ELMO1: variants seen among roughly 807,000 people sequenced by gnomAD.
The protein encoded by ELMO1 is engulfment and cell motility 1.
ELMO1 carries 26 observed loss-of-function variants against 98.9 expected under a neutral mutation model. The observed-to-expected ratio is 0.26, with a 90% CI of 0.19 to 0.36. The LOEUF is 0.36. ELMO1 is among the 10% of genes least tolerant of loss of function. The probability of loss-of-function intolerance (pLI) is 1.00; values close to 1 mark genes in which losing one functional copy is unlikely to be tolerated. For synonymous variants in ELMO1, 346 were observed against 346.0 expected, an observed-to-expected ratio of 1.00 and a Z score of 0.00; for missense variants, 627 against 935.2, an observed-to-expected ratio of 0.67 and a Z score of 4.30.
chr7:37,121,754 C>T (rs1458317563), intron 14 of ELMO1, among the ~76,000 whole-genome samples: 1 of 152,138 alleles, frequency 6.6e-6, no homozygotes, highest in African/African-American at 2.4e-5. Context: ...GGCCAACATT[C>T]AAATTCAGGA....
At chr7:37,129,162 G>C (rs1786731867) in intron 14 of ELMO1, among the ~76,000 whole-genome samples, 1 of 152,088 alleles carries the variant, frequency 6.6e-6, no homozygotes, top group Non-Finnish European at 1.5e-5. Context: ...GGTGGTGGGG[G>C]GATGGAAAGA....
chr7:37,363,237 A>G (rs112973642), intron 1 of ELMO1, among the ~76,000 whole-genome samples: 8 of 151,380 alleles, frequency 5.3e-5, no homozygotes, highest in African/African-American at 1.7e-4. Context: ...CACCAATCCA[A>G]CTCAACCCTC....
chr7:37,397,303 A>G (rs1803337551), intron 1 of ELMO1, among the ~76,000 whole-genome samples: 1 of 152,242 alleles, frequency 6.6e-6, no homozygotes, highest in South Asian at 2.1e-4. Context: ...CACTTAAAAT[A>G]TCTCATGCTC....
At chr7:37,012,494 T>G (rs919500138) in intron 16 of ELMO1, among the ~76,000 whole-genome samples, 3 of 152,222 alleles carry the variant, frequency 2.0e-5, no homozygotes, top group African/African-American at 7.2e-5. Flanking sequence ...CAGTCACAGC[T>G]GTATATAGCA....
At chr7:37,129,822 C>T (rs531869872) in intron 14 of ELMO1, among the ~76,000 whole-genome samples, 128 of 152,316 alleles carry the variant, frequency 8.4e-4, no homozygotes, top group Non-Finnish European at 1.1e-3. Flanking sequence ...TTCTTCACTG[C>T]CTTTAGGTCC....
intron 18 of ELMO1, among the ~76,000 whole-genome samples, 169 bp from the exon 19 acceptor site, chr7:36,878,286 T>C (rs1401353325): frequency 1.3e-5 from 2 of 152,194 alleles, no homozygotes; most frequent in African/African-American, 4.8e-5. Flanking sequence ...CTTTTGACTT[T>C]AATATTTAGT....
chr7:36,868,778 C>T (rs975656945), intron 20 of ELMO1, among the ~76,000 whole-genome samples: 1 of 152,118 alleles, frequency 6.6e-6, no homozygotes, highest in Non-Finnish European at 1.5e-5. Context: ...TGAATTCTGG[C>T]AGGTTGCTAT....
intron 18 of ELMO1, 134 bp downstream of exon 18, chr7:36,887,426 C>T (rs2072521): frequency 0.057 from 39,606 of 690,064 alleles, 2,210 homozygotes; most frequent in East Asian, 0.27. Flanking sequence ...CCAGAAACGA[C>T]CTGGACTGCT....
chr7:37,341,186 T>C (rs1800697126), intron 2 of ELMO1, among the ~76,000 whole-genome samples: 1 of 152,190 alleles, frequency 6.6e-6, no homozygotes, highest in Admixed American at 6.5e-5. Flanking sequence ...AGAAGGGCAA[T>C]GCAACAAGAC....
intron 1 of ELMO1, among the ~76,000 whole-genome samples, chr7:37,425,763 G>A (rs1804670846): frequency 6.6e-6 from 1 of 152,170 alleles, no homozygotes; most frequent in Non-Finnish European, 1.5e-5. Flanking sequence ...GGGAACCTGT[G>A]GCCGAGTTTG....
chr7:37,192,862 G>A (rs1791689204), intron 13 of ELMO1, among the ~76,000 whole-genome samples: 2 of 142,950 alleles, frequency 1.4e-5, no homozygotes, highest in Admixed American at 7.1e-5. Flanking sequence ...TTTATATATA[G>A]ATACATACAT....
intron 1 of ELMO1, among the ~76,000 whole-genome samples, chr7:37,381,394 G>C (rs1802574706): frequency 1.3e-5 from 2 of 152,142 alleles, no homozygotes; most frequent in Non-Finnish European, 2.9e-5. Flanking sequence ...TAAAGTTCCA[G>C]TACCAAAGGC....
intron 19 of ELMO1, among the ~76,000 whole-genome samples, chr7:36,872,912 A>G (rs1003012868): frequency 6.6e-6 from 1 of 152,214 alleles, no homozygotes; most frequent in Non-Finnish European, 1.5e-5. Flanking sequence ...CACAAGCTAC[A>G]ATTGGTAAGT....
intron 1 of ELMO1, among the ~76,000 whole-genome samples, chr7:37,389,838 T>C (rs1802990356): frequency 6.6e-6 from 1 of 152,060 alleles, no homozygotes; most frequent in South Asian, 2.1e-4. Flanking sequence ...TCTTACTAAT[T>C]CTCCAGCATG....
intron 13 of ELMO1, among the ~76,000 whole-genome samples, chr7:37,147,393 G>T (rs1178181276): frequency 6.6e-6 from 1 of 152,090 alleles, no homozygotes; most frequent in Non-Finnish European, 1.5e-5. Context: ...CTACCTCCTG[G>T]TCCCAGCCTT....
At chr7:37,308,566 T>A (rs1312248494) in intron 4 of ELMO1, among the ~76,000 whole-genome samples, 1 of 152,240 alleles carries the variant, frequency 6.6e-6, no homozygotes, top group African/African-American at 2.4e-5. Flanking sequence ...GTGGCACTCA[T>A]TGTCACTGTA....
At chr7:37,028,282 G>A (rs563493107) in intron 15 of ELMO1, among the ~76,000 whole-genome samples, 2 of 152,246 alleles carry the variant, frequency 1.3e-5, no homozygotes, top group African/African-American at 4.8e-5. Context: ...TTTTAAGGCA[G>A]AAAGTTAATA....
intron 16 of ELMO1, among the ~76,000 whole-genome samples, chr7:36,983,303 T>C (rs557671336): frequency 6.6e-6 from 1 of 152,340 alleles, no homozygotes; most frequent in South Asian, 2.1e-4. Flanking sequence ...GCTTTTTACT[T>C]AGCTCAAACT....
intron 16 of ELMO1, among the ~76,000 whole-genome samples, chr7:37,009,911 G>A (rs1322318726): frequency 6.6e-6 from 1 of 152,172 alleles, no homozygotes; most frequent in Non-Finnish European, 1.5e-5. Context: ...CTGCTACCAA[G>A]TTAATAACAA....
Sources: allele counts gnomAD v4.1 joint callset (sites outside exome capture counted in the v4.1 genomes callset), GRCh38; gene constraint gnomAD v4.1.1; transcripts MANE v1.5; gene names NCBI Gene and HGNC (gene_info 2026-07-23, HGNC 2026-07-21).